DNAH8: variants seen among roughly 807,000 people sequenced by gnomAD.
DNAH8 encodes dynein axonemal heavy chain 8, also known as axonemal beta dynein heavy chain 8.
A neutral mutation model predicts 562.1 loss-of-function variants in DNAH8; 382 were observed. The ratio of observed to expected loss-of-function variants is 0.68; its 90% confidence interval spans 0.63 to 0.74. The LOEUF is 0.74. Among genes scored for constraint, DNAH8 ranks in the 30% least tolerant of loss-of-function variants. DNAH8 has a pLI of 0.00. For synonymous variants in DNAH8, 1,881 were observed against 1,919.4 expected, an observed-to-expected ratio of 0.98 and a Z score of 0.52; for missense variants, 5,203 against 5,620.4, an observed-to-expected ratio of 0.93 and a Z score of 2.37.
intron 53 of DNAH8, among the ~76,000 whole-genome samples, chr6:38,882,253 C>T (rs1471885244): frequency 3.3e-5 from 5 of 152,164 alleles, no homozygotes; most frequent in African/African-American, 7.2e-5. Flanking sequence ...CATAAAGACA[C>T]ATGCATGCAT....
chr6:38,795,607 A>G (rs895052751), intron 21 of DNAH8, among the ~76,000 whole-genome samples: 1 of 151,730 alleles, frequency 6.6e-6, no homozygotes, highest in Non-Finnish European at 1.5e-5. Context: ...AGTGTAAGTC[A>G]AGATGCAGGA....
rs140410467 is a variant in DNAH8, at chr6:38,869,615, G to A, written c.6829-786G>A. On this transcript the variant is annotated intron_variant, in intron 48 of 92. Transcript: ENST00000327475. Reference sequence around the variant, plus strand: ...CTCAAACCTACTGCTTATAAGAAAGGCTCAGAACACTGCCCTGATGGACTT... The same window carrying A: ...CTCAAACCTACTGCTTATAAGAAAGACTCAGAACACTGCCCTGATGGACTT... Among the ~76,000 whole-genome samples the A allele has an allele frequency of 7.2e-5, 11 of 152,292 alleles. No homozygotes were observed. The East Asian group carries it at 2.1e-3, about 29-fold the overall frequency.
intron 70 of DNAH8, among the ~76,000 whole-genome samples, chr6:38,920,369 C>T (rs1298607638): frequency 3.3e-5 from 5 of 152,108 alleles, no homozygotes; most frequent in Non-Finnish European, 7.4e-5. Flanking sequence ...TTCAAATAAA[C>T]ATTGAGAATG....
At chr6:38,876,472 A>G (rs1377338072) in intron 53 of DNAH8, among the ~76,000 whole-genome samples, 2 of 152,270 alleles carry the variant, frequency 1.3e-5, no homozygotes, top group African/African-American at 4.8e-5. Flanking sequence ...TGTTTGTTTT[A>G]ATGAATAAAC....
chr6:38,958,669 A>AAAAAAG (rs1554145830), intron 82 of DNAH8, among the ~76,000 whole-genome samples: 1 of 148,030 alleles, frequency 6.8e-6, no homozygotes, highest in African/African-American at 2.5e-5. Context: ...AAAAAAAAAA[A>AAAAAAG]GCCCAGGAAC....
chr6:38,789,552 T>C (rs1197425311), intron 18 of DNAH8, among the ~76,000 whole-genome samples: 1 of 152,068 alleles, frequency 6.6e-6, no homozygotes, highest in Admixed American at 6.6e-5. Flanking sequence ...TTAATATACA[T>C]CTAGAAAGAC....
intron 82 of DNAH8, among the ~76,000 whole-genome samples, chr6:38,962,125 C>T (rs1232350953): frequency 2.0e-5 from 3 of 151,956 alleles, no homozygotes; most frequent in Non-Finnish European, 4.4e-5. Context: ...ATAAAACCTT[C>T]TTAGAGACAT....
rs1017180951 is a variant in DNAH8, at chr6:38,848,643, T to G, written c.5046-5T>G. ...AATGTGATTTTTTCCGTTCTTACCTTTTAGATACAATGCTCCATTTAAAAA... is the reference window on the plus strand; with the variant it reads ...AATGTGATTTTTTCCGTTCTTACCTGTTAGATACAATGCTCCATTTAAAAA... On this transcript the variant is annotated splice_polypyrimidine_tract_variant and splice_region_variant and intron_variant, in intron 36 of 92. Transcript: ENST00000327475. The G allele has an allele frequency of 1.9e-6, 3 of 1,606,296 alleles. No individual in the cohort carries two copies. In the African/African-American group the frequency reaches 4.0e-5, roughly 22 times the overall value.
chr6:38,962,835 G>A (rs1340790641), intron 82 of DNAH8, among the ~76,000 whole-genome samples: 2 of 152,136 alleles, frequency 1.3e-5, no homozygotes, highest in Non-Finnish European at 2.9e-5. Flanking sequence ...GCAGCAACCT[G>A]GGTGGAATTG....
At chr6:38,801,890 C>T (rs150397058) in intron 21 of DNAH8, among the ~76,000 whole-genome samples, 3 of 152,236 alleles carry the variant, frequency 2.0e-5, no homozygotes, top group Non-Finnish European at 4.4e-5. Flanking sequence ...TTTGCATGGA[C>T]AGACTTGGGA....
chr6:38,991,422 C>A (rs1764779526), intron 88 of DNAH8, among the ~76,000 whole-genome samples: 1 of 152,166 alleles, frequency 6.6e-6, no homozygotes, highest in South Asian at 2.1e-4. Context: ...AAAAAGGATT[C>A]CTCAGGGATT....
chr6:38,981,978 T>C (rs147484756), intron 85 of DNAH8, among the ~76,000 whole-genome samples: 91 of 152,360 alleles, frequency 6.0e-4, no homozygotes, highest in African/African-American at 2.0e-3. Flanking sequence ...TAGATGTGTC[T>C]AGATACACAA....
chr6:38,851,592 T>TA lies in DNAH8; in HGVS notation c.5385dup (p.Leu1796ThrfsTer10). On this transcript the variant is annotated frameshift_variant, in exon 39 of 93. Coordinates refer to ENST00000327475, the MANE Select transcript of DNAH8 (RefSeq NM_001206927.2). LOFTEE classifies it high-confidence loss of function. ...TGAAGGTATTTGGAGAAGAAACGAT[T>TA]ACTGTTTCCAAGATTCTTCTTTGTA... 1 of 1,608,276 alleles carries TA rather than the reference T, an allele frequency of 6.2e-7. No individual in the cohort carries two copies. The highest frequency in any genetic ancestry group is 8.5e-7 in the Non-Finnish European group (1 of 1,178,104).
At chr6:38,749,787 G>T (rs375707823) in intron 8 of DNAH8, among the ~76,000 whole-genome samples, 2 of 152,078 alleles carry the variant, frequency 1.3e-5, no homozygotes, top group African/African-American at 4.8e-5. Flanking sequence ...ATTTCAGATT[G>T]ACTTCACTTT....
intron 33 of DNAH8, among the ~76,000 whole-genome samples, chr6:38,841,447 T>G (rs757181389): frequency 2.8e-4 from 43 of 152,004 alleles, no homozygotes; most frequent in Non-Finnish European, 5.6e-4. Context: ...AATAAAAAGA[T>G]AGAACGACTT....
intron 21 of DNAH8, among the ~76,000 whole-genome samples, chr6:38,802,244 C>G (rs766693672): frequency 6.6e-6 from 1 of 151,844 alleles, no homozygotes; most frequent in Non-Finnish European, 1.5e-5. Flanking sequence ...CCCTGATTTA[C>G]TTTTACGTTT....
intron 36 of DNAH8, among the ~76,000 whole-genome samples, chr6:38,847,590 G>A (rs899284625): frequency 5.3e-5 from 8 of 151,908 alleles, no homozygotes; most frequent in Admixed American, 4.6e-4. Context: ...GGCTTTCAGG[G>A]AAATTATGAG....
Position 38,770,525 on chromosome 6 carries a change from G to T in DNAH8, c.1730G>T (p.Gly577Val), listed in dbSNP as rs767857519. ...SFEVSEMYIF[G>V]KFEAFCKRLE... is the part of the protein sequence containing the mutation. ...GAGGTTTCAGAAATGTATATATTTG[G>T]AAAATTTGAAGCTTTTTGCAAAAGA... Residue 577 changes from glycine (G) to valine (V), a missense_variant, in exon 12 of 93, where the codon GGA becomes GTA. By Grantham distance (109) the Gly-to-Val change is moderately radical. This residue lies in a region of DNAH8 where 2,176 missense variants were observed against 2,365.1 expected (regional missense o/e 0.92). Coordinates refer to ENST00000327475, the MANE Select transcript of DNAH8 (RefSeq NM_001206927.2). 6.2e-7 allele frequency: 1 copy of T among 1,603,376 alleles called. No homozygotes were observed.
At chr6:38,852,215 G>A (rs1775804461) in intron 39 of DNAH8, among the ~76,000 whole-genome samples, 1 of 152,160 alleles carries the variant, frequency 6.6e-6, no homozygotes, top group Non-Finnish European at 1.5e-5. Flanking sequence ...CTGAGAGTGG[G>A]AGGCACAGAA....
Sources: gnomAD v4.1 joint callset for allele counts (sites outside exome capture counted in the v4.1 genomes callset) on GRCh38, gnomAD v4.1.1 for gene constraint, gnomAD v4.1.1 regional missense constraint, MANE v1.5 for transcripts, NCBI Gene and HGNC (gene_info 2026-07-23, HGNC 2026-07-21) for gene names.